The following PTPRD variants were observed in gnomAD, a reference collection of about 807,000 sequenced individuals.
The protein encoded by PTPRD is protein tyrosine phosphatase receptor type D.
PTPRD carries 34 observed loss-of-function variants against 214.5 expected under a neutral mutation model. That is an observed-to-expected ratio of 0.16 (90% confidence interval 0.12 to 0.21). The LOEUF (loss-of-function observed/expected upper bound fraction) is 0.21. PTPRD is among the 10% of genes least tolerant of loss of function. The pLI, the probability that PTPRD is intolerant of heterozygous loss-of-function variation, is 1.00. For missense variants in PTPRD, 2,545 were observed against 2,398.7 expected (o/e 1.06, Z -1.27); for synonymous variants, 1,128 against 845.7 (o/e 1.33, Z -5.79).
intron 10 of PTPRD, among the ~76,000 whole-genome samples, chr9:9,096,162 G>A (rs1297412709): frequency 2.0e-5 from 3 of 152,202 alleles, no homozygotes; most frequent in Non-Finnish European, 4.4e-5. Flanking sequence ...TGTGCAACAT[G>A]AGGACTATAG....
intron 3 of PTPRD, among the ~76,000 whole-genome samples, chr9:10,288,810 T>A (rs199689632): frequency 3.8e-5 from 3 of 79,918 alleles, no homozygotes; most frequent in African/African-American, 1.7e-4. Context: ...AATTAAAAAC[T>A]TTTTTTCTGC....
intron 3 of PTPRD, among the ~76,000 whole-genome samples, chr9:10,107,072 T>C: frequency 6.6e-6 from 1 of 151,996 alleles, no homozygotes; most frequent in East Asian, 1.9e-4. Context: ...TGCAGAGCAC[T>C]AACTTAAAAT....
intron 2 of PTPRD, among the ~76,000 whole-genome samples, chr9:10,413,805 T>A (rs561695408): frequency 6.6e-6 from 1 of 151,598 alleles, no homozygotes; most frequent in African/African-American, 2.4e-5. Flanking sequence ...CATAAGGCTG[T>A]TCACCTATGA....
At chr9:9,235,804 G>GA (rs1241698001) in intron 9 of PTPRD, among the ~76,000 whole-genome samples, 2 of 152,098 alleles carry the variant, frequency 1.3e-5, no homozygotes, top group Non-Finnish European at 2.9e-5. Context: ...AGATTAACAT[G>GA]AAAAAATCAT....
rs564803487 is a variant in PTPRD, at chr9:8,341,330, G to C, written c.4948-62C>G. 5 of 1,485,210 alleles carry C rather than the reference G, an allele frequency of 3.4e-6. No homozygotes were observed. In the East Asian group the frequency reaches 1.1e-4, roughly 34 times the overall value. 92.0% of individuals were successfully genotyped at this position (1,485,210 alleles called of 1,614,324 possible). A position where few individuals can be genotyped will look rare whatever the true frequency, so the allele number is the denominator to read the frequency against. On this transcript the variant is annotated intron_variant, in intron 40 of 45. Coordinates refer to ENST00000381196, the MANE Select transcript of PTPRD (RefSeq NM_002839.4). Reference sequence around the variant, plus strand: ...CAAAGATCATTTTCACCTACAGTTTGAATGCAGTGTACCCCAGATTTCCCT... The same window carrying C: ...CAAAGATCATTTTCACCTACAGTTTCAATGCAGTGTACCCCAGATTTCCCT...
intron 14 of PTPRD, among the ~76,000 whole-genome samples, chr9:8,532,858 A>C (rs528186995): frequency 2.0e-5 from 3 of 152,184 alleles, no homozygotes; most frequent in African/African-American, 7.2e-5. Flanking sequence ...ATCTGTTGGT[A>C]TCTTAATGAA....
At chr9:10,122,864 T>C (rs145652586) in intron 3 of PTPRD, among the ~76,000 whole-genome samples, 2 of 152,336 alleles carry the variant, frequency 1.3e-5, no homozygotes, top group East Asian at 1.9e-4. Context: ...AGTTGTAAAC[T>C]GGAACCTGTT....
chr9:9,475,745 A>G (rs1405225410), intron 8 of PTPRD, among the ~76,000 whole-genome samples: 3 of 152,174 alleles, frequency 2.0e-5, no homozygotes, highest in African/African-American at 4.8e-5. Context: ...TTTATTGAAA[A>G]TGCCCATTCT....
At chr9:10,449,186 G>C (rs370559988) in intron 2 of PTPRD, among the ~76,000 whole-genome samples, 7,445 of 151,516 alleles carry the variant, frequency 0.049, 663 homozygotes, top group African/African-American at 0.16. Flanking sequence ...ATTGCGGGCG[G>C]GTGCCGCCAC....
At chr9:10,052,463 G>A (rs1418843600) in intron 3 of PTPRD, among the ~76,000 whole-genome samples, 2 of 151,658 alleles carry the variant, frequency 1.3e-5, no homozygotes, top group African/African-American at 4.9e-5. Context: ...TGAGAAACCT[G>A]CCTTTAAGGT....
chr9:8,551,006 T>A (rs915277345), intron 14 of PTPRD, among the ~76,000 whole-genome samples: 5 of 152,232 alleles, frequency 3.3e-5, no homozygotes, highest in African/African-American at 9.6e-5. Context: ...TGTGGTTGAA[T>A]AGATTTCACT....
intron 12 of PTPRD, among the ~76,000 whole-genome samples, chr9:8,704,557 G>C (rs144479771): frequency 1.3e-5 from 2 of 152,254 alleles, no homozygotes; most frequent in Non-Finnish European, 2.9e-5. Context: ...TGCATTAAAG[G>C]TTAAGTGAGG....
chr9:8,811,447 C>T (rs950224329), intron 11 of PTPRD, among the ~76,000 whole-genome samples: 1 of 152,302 alleles, frequency 6.6e-6, no homozygotes, highest in Middle Eastern at 3.4e-3. Context: ...GGAAAAGGCC[C>T]ATCAGTGTTT....
At chr9:10,119,069 G>T (rs1226657871) in intron 3 of PTPRD, among the ~76,000 whole-genome samples, 1 of 151,810 alleles carries the variant, frequency 6.6e-6, no homozygotes, top group Non-Finnish European at 1.5e-5. Flanking sequence ...AACAAACGTA[G>T]AGTTCCACTT....
chr9:9,617,442 A>T (rs1184870873), intron 7 of PTPRD, among the ~76,000 whole-genome samples: 1 of 152,202 alleles, frequency 6.6e-6, no homozygotes, highest in Non-Finnish European at 1.5e-5. Flanking sequence ...TGAACTATGC[A>T]CAATCTTTTA....
At chr9:9,993,861 C>T (rs925355383) in intron 4 of PTPRD, among the ~76,000 whole-genome samples, 10 of 152,128 alleles carry the variant, frequency 6.6e-5, no homozygotes, top group Non-Finnish European at 1.3e-4. Context: ...CATACAGACA[C>T]AGTGAATCAT....
intron 11 of PTPRD, among the ~76,000 whole-genome samples, chr9:8,782,496 G>A (rs1401876766): frequency 6.6e-6 from 1 of 151,750 alleles, no homozygotes; most frequent in African/African-American, 2.4e-5. Flanking sequence ...TTCATCATAT[G>A]GCTAAAACAT....
chr9:8,869,992 T>A (rs1244557994), intron 11 of PTPRD, among the ~76,000 whole-genome samples: 1 of 152,064 alleles, frequency 6.6e-6, no homozygotes, highest in Non-Finnish European at 1.5e-5. Flanking sequence ...GACATTGTAG[T>A]ACAAACCCAG....
chr9:9,159,285 A>C (rs992403794), intron 10 of PTPRD, among the ~76,000 whole-genome samples: 1 of 152,190 alleles, frequency 6.6e-6, no homozygotes, highest in Non-Finnish European at 1.5e-5. Flanking sequence ...GAATAGAAAA[A>C]ATAGAGAAAT....
Sources: allele counts gnomAD v4.1 joint callset (sites outside exome capture counted in the v4.1 genomes callset), GRCh38; gene constraint gnomAD v4.1.1; transcripts MANE v1.5; gene names NCBI Gene and HGNC (gene_info 2026-07-23, HGNC 2026-07-21).